Variants in GALNT10 observed in about 807,000 individuals in gnomAD.
GALNT10 encodes the protein GalNAc transferase 10.
A neutral mutation model predicts 75.0 loss-of-function variants in GALNT10; 41 were observed. That is an observed-to-expected ratio of 0.55 (90% CI 0.43 to 0.71). GALNT10 has a LOEUF of 0.71. Among genes scored for constraint, GALNT10 ranks in the 30% least tolerant of loss-of-function variants. GALNT10 has a pLI of 0.00. For missense variants in GALNT10, 727 were observed against 818.5 expected, an observed-to-expected ratio of 0.89 and a Z score of 1.36; for synonymous variants, 302 against 313.0, an observed-to-expected ratio of 0.96 and a Z score of 0.37.
At chr5:154,349,173 G>GGTTCC (rs1755170638) in intron 4 of GALNT10, among the ~76,000 whole-genome samples, 1 of 151,844 alleles carries the variant, frequency 6.6e-6, no homozygotes, top group African/African-American at 2.4e-5. Flanking sequence ...TAGTAAAGGA[G>GGTTCC]GTTCCTTGGG....
At chr5:154,374,354 C>A (rs1292668196) in intron 4 of GALNT10, among the ~76,000 whole-genome samples, 1 of 152,194 alleles carries the variant, frequency 6.6e-6, no homozygotes, top group Non-Finnish European at 1.5e-5. Context: ...ATTCTAATTT[C>A]TCCTGCCTAC....
chr5:154,255,423 A>G (rs938062438), intron 1 of GALNT10, among the ~76,000 whole-genome samples: 3 of 152,122 alleles, frequency 2.0e-5, no homozygotes, highest in African/African-American at 7.2e-5. Flanking sequence ...TGCCACAAGC[A>G]TAGGACAGAG....
chr5:154,376,165 G>GAAAGGTC lies in GALNT10; in HGVS notation c.569-112_569-111insAAAGGTC. The GAAAGGTC allele has an allele frequency of 1.4e-6, 1 of 737,976 alleles. No individual in the cohort carries two copies. Among genetic ancestry groups the GAAAGGTC allele is most frequent in the East Asian group, 2.6e-5 (1 of 38,730 alleles). The allele number at this position is 737,976 out of a possible 1,614,324, so 45.7% of individuals were successfully genotyped here. A position where few individuals can be genotyped will look rare whatever the true frequency, so the allele number is the denominator to read the frequency against. On this transcript the variant is annotated intron_variant, in intron 4 of 11. Transcript: ENST00000297107. The surrounding 1 kb of genome is among the most constrained non-coding windows in gnomAD (Gnocchi z 4.1). Reference sequence around the variant, plus strand: ...TGTCTGAAAGGTCTAGTGAGGCAGTGTACAGGAAAGCTGTGTCTAGACTGT... The same window carrying GAAAGGTC: ...TGTCTGAAAGGTCTAGTGAGGCAGTGAAAGGTCTACAGGAAAGCTGTGTCTAGACTGT...
intron 1 of GALNT10, among the ~76,000 whole-genome samples, chr5:154,274,905 C>CT (rs1753926519): frequency 6.6e-6 from 1 of 152,186 alleles, no homozygotes; most frequent in Non-Finnish European, 1.5e-5. Flanking sequence ...GCACTCGCCT[C>CT]TCCCCCAGCC....
chr5:154,203,484 T>A (rs1256723549), intron 1 of GALNT10, among the ~76,000 whole-genome samples: 2 of 152,116 alleles, frequency 1.3e-5, no homozygotes, highest in African/African-American at 4.8e-5. Context: ...CTCAGCAGAG[T>A]CCTAGGTAGT....
intron 4 of GALNT10, among the ~76,000 whole-genome samples, chr5:154,336,899 A>G (rs780708748): frequency 2.0e-5 from 3 of 152,228 alleles, no homozygotes; most frequent in Non-Finnish European, 2.9e-5. Flanking sequence ...ACTGGCCTCA[A>G]TGATATCAGA....
chr5:154,276,596 C>T (rs1753957532), intron 1 of GALNT10, among the ~76,000 whole-genome samples: 1 of 152,174 alleles, frequency 6.6e-6, no homozygotes. Flanking sequence ...GGAAGTCATT[C>T]TTAGAATTCT....
Position 154,274,985 on chromosome 5 carries a change from A to G in GALNT10, c.160-19831A>G, listed in dbSNP as rs551744197. 3.9e-5 allele frequency among the ~76,000 whole-genome samples: 6 copies of G among 152,264 alleles called. No homozygotes were observed. In the East Asian group the frequency reaches 1.2e-3, roughly 29 times the overall value. On this transcript the variant is annotated intron_variant, in intron 1 of 11. Transcript: ENST00000297107. ...AACATACATAAGCAGCTGAGTTTCCAACGTCTGGATTGGAAGGTTTCAGGA... is the reference window on the plus strand; with the variant it reads ...AACATACATAAGCAGCTGAGTTTCCGACGTCTGGATTGGAAGGTTTCAGGA...
intron 1 of GALNT10, among the ~76,000 whole-genome samples, chr5:154,208,402 TGGATTTGCCTA>T (rs1456679735): frequency 1.3e-5 from 2 of 152,216 alleles, no homozygotes. Flanking sequence ...TATAAAGCCA[TGGATTTGCCTA>T]GGATTGAATC....
chr5:154,235,744 T>G (rs1039582857), intron 1 of GALNT10, among the ~76,000 whole-genome samples: 4 of 152,210 alleles, frequency 2.6e-5, no homozygotes, highest in Admixed American at 6.5e-5. Context: ...TGAAAAATTT[T>G]TGTCTAGCTA....
intron 3 of GALNT10, among the ~76,000 whole-genome samples, chr5:154,319,152 G>T (rs7718246): frequency 0.013 from 1,941 of 152,328 alleles, 41 homozygotes; most frequent in African/African-American, 0.044. Flanking sequence ...CACCTCAGGA[G>T]GCCACGCTGC....
In GALNT10 at chr5:154,256,350, TTTG is replaced by T. The variant is rs1415469029; in HGVS notation, c.160-38463_160-38461del. 4.6e-3 allele frequency among the ~76,000 whole-genome samples: 90 copies of T among 19,684 alleles called. No homozygotes were observed. The East Asian group carries it at 0.27, about 59-fold the overall frequency. 12.9% of individuals were successfully genotyped at this position (19,684 alleles called of 152,430 possible). A position where few individuals can be genotyped will look rare whatever the true frequency, so the allele number is the denominator to read the frequency against. On this transcript the variant is annotated intron_variant, in intron 1 of 11. Coordinates refer to ENST00000297107, the MANE Select transcript of GALNT10 (RefSeq NM_198321.4). Reference sequence around the variant, plus strand: ...GGATTTTTAAACAGAGGCTGTTGTTTTTGTTTTTTTTTTTTTAATATTGTGTGT... The same window carrying T: ...GGATTTTTAAACAGAGGCTGTTGTTTTTTTTTTTTTTTTAATATTGTGTGT...
At chr5:154,384,716 T>C (rs1755785094) in intron 6 of GALNT10, among the ~76,000 whole-genome samples, 1 of 152,214 alleles carries the variant, frequency 6.6e-6, no homozygotes, top group Non-Finnish European at 1.5e-5. Context: ...CACCTGCTTC[T>C]CGAGTGTTCC....
At chr5:154,264,104 G>A (rs924917128) in intron 1 of GALNT10, among the ~76,000 whole-genome samples, 18 of 152,132 alleles carry the variant, frequency 1.2e-4, no homozygotes, top group African/African-American at 4.3e-4. Flanking sequence ...CTTGAGGCCA[G>A]GAGTTGGAGA....
intron 3 of GALNT10, among the ~76,000 whole-genome samples, chr5:154,307,692 A>G (rs1467760072): frequency 6.6e-6 from 1 of 151,856 alleles, no homozygotes; most frequent in Admixed American, 6.6e-5. Context: ...GTACTTTCCA[A>G]CTCACTGTAA....
intron 4 of GALNT10, among the ~76,000 whole-genome samples, chr5:154,335,931 A>G (rs1321172525): frequency 6.6e-6 from 1 of 152,234 alleles, no homozygotes; most frequent in Non-Finnish European, 1.5e-5. Flanking sequence ...TATGACGTAT[A>G]GCATCATACA....
At chr5:154,250,765 T>C (rs889208556) in intron 1 of GALNT10, among the ~76,000 whole-genome samples, 2 of 152,192 alleles carry the variant, frequency 1.3e-5, no homozygotes, top group African/African-American at 4.8e-5. Flanking sequence ...AAACATCTTG[T>C]CCTGACATCA....
chr5:154,307,845 A>G (rs1003045267), intron 3 of GALNT10, among the ~76,000 whole-genome samples: 5 of 151,644 alleles, frequency 3.3e-5, no homozygotes, highest in African/African-American at 9.7e-5. Context: ...TAGAAGATCA[A>G]AGGATAAAGA....
intron 1 of GALNT10, among the ~76,000 whole-genome samples, chr5:154,292,811 G>T (rs28421979): frequency 0.11 from 16,710 of 152,160 alleles, 1,086 homozygotes; most frequent in African/African-American, 0.19. Context: ...GGCAGAGCAA[G>T]CCCCTACTCT....
Sources: allele counts gnomAD v4.1 joint callset (sites outside exome capture counted in the v4.1 genomes callset), GRCh38; gene constraint gnomAD v4.1.1; non-coding constraint Gnocchi (gnomAD v3.1); transcripts MANE v1.5; gene names NCBI Gene and HGNC (gene_info 2026-07-23, HGNC 2026-07-21).